Variants in ASIC2 observed in about 807,000 individuals in gnomAD.
The protein encoded by ASIC2 is acid-sensing ion channel 2.
In ASIC2, 25 loss-of-function variants were observed where a neutral mutation model predicts 57.3. That is an observed-to-expected ratio of 0.44 (90% confidence interval 0.32 to 0.61). The LOEUF is 0.61. ASIC2 is among the 20% of genes least tolerant of loss of function. ASIC2 has a pLI of 0.06. For synonymous variants in ASIC2, 319 were observed against 307.5 expected (o/e 1.04, Z -0.39); for missense variants, 641 against 738.1 (o/e 0.87, Z 1.52).
At chr17:33,464,490 T>C (rs1046040670) in intron 1 of ASIC2, among the ~76,000 whole-genome samples, 2 of 38,492 alleles carry the variant, frequency 5.2e-5, no homozygotes, top group South Asian at 1.1e-3. Context: ...CTCTCTTTCT[T>C]TCTTTCTTTC....
intron 1 of ASIC2, among the ~76,000 whole-genome samples, chr17:34,127,632 ACT>A (rs1911827299): frequency 6.6e-6 from 1 of 151,380 alleles, no homozygotes; most frequent in Admixed American, 6.6e-5. Context: ...CTGGACACAC[ACT>A]CTCTCCCTCA....
chr17:34,117,482 C>T (rs562351861), intron 1 of ASIC2, among the ~76,000 whole-genome samples: 6 of 152,238 alleles, frequency 3.9e-5, no homozygotes, highest in East Asian at 1.9e-4. Context: ...CATGGATAGG[C>T]ACCTCATTTT....
At chr17:33,536,620 T>C (rs1915238801) in intron 1 of ASIC2, among the ~76,000 whole-genome samples, 1 of 152,234 alleles carries the variant, frequency 6.6e-6, no homozygotes, top group African/African-American at 2.4e-5. Flanking sequence ...TTATCTTGCA[T>C]ATATGACTGT....
chr17:33,227,606 C>T (rs1907937851), intron 1 of ASIC2, among the ~76,000 whole-genome samples: 1 of 152,156 alleles, frequency 6.6e-6, no homozygotes, highest in Non-Finnish European at 1.5e-5. Context: ...ACCTGACCTC[C>T]AGGCCCTGTA....
chr17:33,411,605 G>A (rs1173279348), intron 1 of ASIC2, among the ~76,000 whole-genome samples: 1 of 152,162 alleles, frequency 6.6e-6, no homozygotes, highest in Non-Finnish European at 1.5e-5. Flanking sequence ...TGCTCCAGTG[G>A]GGGTACAGAT....
chr17:33,136,531 G>C (rs4133924), intron 1 of ASIC2, among the ~76,000 whole-genome samples: 100,928 of 152,140 alleles, frequency 0.66, 34,541 homozygotes, highest in African/African-American at 0.83. Flanking sequence ...GACCCATGTC[G>C]TGGAAAACTT....
At chr17:33,088,698 C>A (rs140844554) in intron 3 of ASIC2, among the ~76,000 whole-genome samples, 165 bp downstream of exon 3, 71 of 152,274 alleles carry the variant, frequency 4.7e-4, no homozygotes, top group African/African-American at 1.7e-3. Flanking sequence ...TTTTAGGGAA[C>A]AACAGGTGGT....
At chr17:34,134,142 C>G (rs1461036715) in intron 1 of ASIC2, among the ~76,000 whole-genome samples, 1 of 152,190 alleles carries the variant, frequency 6.6e-6, no homozygotes, top group African/African-American at 2.4e-5. Context: ...TTAATGCCCC[C>G]TTGAAGTCTG....
At chr17:33,677,591 G>C (rs1158425269) in intron 1 of ASIC2, among the ~76,000 whole-genome samples, 1 of 152,170 alleles carries the variant, frequency 6.6e-6, no homozygotes, top group Non-Finnish European at 1.5e-5. Context: ...TTTAGTGGGA[G>C]TTTGAAAGAG....
chr17:33,095,359 A>G (rs1163763296), intron 2 of ASIC2, among the ~76,000 whole-genome samples: 1 of 152,072 alleles, frequency 6.6e-6, no homozygotes, highest in Non-Finnish European at 1.5e-5. Context: ...AGTACTTACC[A>G]TGTTCACACT....
intron 3 of ASIC2, among the ~76,000 whole-genome samples, chr17:33,058,260 A>G (rs961337702): frequency 2.0e-4 from 31 of 152,284 alleles, no homozygotes; most frequent in Middle Eastern, 3.4e-3. Flanking sequence ...CAGCTGTTCA[A>G]TGACAGACCT....
chr17:33,951,597 T>A (rs1320861623), intron 1 of ASIC2, among the ~76,000 whole-genome samples: 4 of 151,986 alleles, frequency 2.6e-5, no homozygotes, highest in Non-Finnish European at 5.9e-5. Flanking sequence ...TTTTTCTTTT[T>A]TTTTCGATGG....
chr17:33,532,978 T>A (rs1915100119), intron 1 of ASIC2, among the ~76,000 whole-genome samples: 1 of 152,250 alleles, frequency 6.6e-6, no homozygotes, highest in Admixed American at 6.5e-5. Flanking sequence ...ATATGCCATA[T>A]GATTTGGGAA....
chr17:33,667,737 C>T (rs1354139949), intron 1 of ASIC2, among the ~76,000 whole-genome samples: 1 of 152,210 alleles, frequency 6.6e-6, no homozygotes, highest in African/African-American at 2.4e-5. Context: ...AACTAACCTT[C>T]TTCTTACTCA....
intron 1 of ASIC2, among the ~76,000 whole-genome samples, chr17:33,483,625 C>T (rs1913486057): frequency 1.3e-5 from 2 of 152,192 alleles, no homozygotes; most frequent in Non-Finnish European, 2.9e-5. Context: ...ACTTTACTGT[C>T]CTGAAGTCAG....
In ASIC2 at chr17:33,886,504, C is replaced by T. The variant is rs115810869; in HGVS notation, c.555+269474G>A. Among the ~76,000 whole-genome samples, 340 of 152,250 alleles carry T rather than the reference C, an allele frequency of 2.2e-3. 2 individuals are homozygous for T. Among genetic ancestry groups the T allele is most frequent in the African/African-American group, 7.9e-3 (330 of 41,530 alleles). On this transcript the variant is annotated intron_variant, in intron 1 of 9. Coordinates refer to the ASIC2 transcript ENST00000359872. ...CACAGTCTGACATGCAATCCTCATT[C>T]AAACACACACACATATACACACACA...
chr17:33,372,847 T>C (rs543887610), intron 1 of ASIC2, among the ~76,000 whole-genome samples: 7 of 152,276 alleles, frequency 4.6e-5, no homozygotes, highest in Admixed American at 1.3e-4. Flanking sequence ...CCCCTCATCG[T>C]GGTCTCAGCA....
chr17:33,536,876 G>C (rs1016211860), intron 1 of ASIC2, among the ~76,000 whole-genome samples: 1 of 152,092 alleles, frequency 6.6e-6, no homozygotes, highest in Non-Finnish European at 1.5e-5. Context: ...GCACTCACCT[G>C]TAGTTCCAGC....
chr17:33,380,678 G>A (rs1208345155), intron 1 of ASIC2, among the ~76,000 whole-genome samples: 1 of 152,234 alleles, frequency 6.6e-6, no homozygotes, highest in African/African-American at 2.4e-5. Context: ...GGGCTGTGAG[G>A]CTGCCTCCTT....
Sources: gnomAD v4.1 joint callset for allele counts (sites outside exome capture counted in the v4.1 genomes callset) on GRCh38, gnomAD v4.1.1 for gene constraint, MANE v1.5 for transcripts, NCBI Gene and HGNC (gene_info 2026-07-23, HGNC 2026-07-21) for gene names.